The following KLHL29 variants were observed in gnomAD, a reference collection of about 807,000 sequenced individuals.
KLHL29 encodes kelch like family member 29, also known as kelch-like protein 29.
Under a neutral mutation model 80.4 loss-of-function variants are expected in KLHL29, and 21 were observed. The ratio of observed to expected loss-of-function variants is 0.26; its 90% CI spans 0.19 to 0.38. The LOEUF is 0.38. KLHL29 is among the 10% of genes least tolerant of loss of function. KLHL29 has a pLI of 1.00. For missense variants in KLHL29, 867 were observed against 1,223.9 expected (o/e 0.71, Z 4.35); for synonymous variants, 511 against 526.8 (o/e 0.97, Z 0.41).
rs564790270 is a variant in KLHL29 at position 23,635,706 on chromosome 2, G to T, written c.286-3433G>T. Among the ~76,000 whole-genome samples the T allele has an allele frequency of 2.2e-4, 33 of 152,322 alleles. No homozygotes were observed. In the Middle Eastern group the frequency reaches 0.014, roughly 63 times the overall value. Reference sequence around the variant, plus strand: ...AGAAGCCTGCTCAGGCCTGATGATGGGCAGATAGGGCCACTCCGTGGGGCC... The same window carrying T: ...AGAAGCCTGCTCAGGCCTGATGATGTGCAGATAGGGCCACTCCGTGGGGCC... On this transcript the variant is annotated intron_variant, in intron 3 of 13. Coordinates refer to ENST00000486442, the MANE Select transcript of KLHL29 (RefSeq NM_052920.2).
chr2:23,590,483 C>T (rs576908000), intron 3 of KLHL29, among the ~76,000 whole-genome samples: 8 of 152,130 alleles, frequency 5.3e-5, no homozygotes, highest in Non-Finnish European at 8.8e-5. Context: ...TGTGGGTTGA[C>T]GTGGAAGACC....
intron 5 of KLHL29, chr2:23,644,378 C>T (rs1558421860): frequency 1.3e-5 from 2 of 152,362 alleles, no homozygotes; most frequent in South Asian, 2.1e-4. Context: ...TATGCCAAAG[C>T]CCAAGGCACC....
chr2:23,560,720 T>C (rs1407559445), intron 2 of KLHL29, among the ~76,000 whole-genome samples: 1 of 152,080 alleles, frequency 6.6e-6, no homozygotes, highest in African/African-American at 2.4e-5. Flanking sequence ...GCAGGGTGGG[T>C]TCAGGTCTGC....
intron 2 of KLHL29, among the ~76,000 whole-genome samples, chr2:23,531,487 G>A (rs745547518): frequency 2.0e-5 from 3 of 152,226 alleles, no homozygotes; most frequent in Non-Finnish European, 4.4e-5. Context: ...TCAGTGAGCT[G>A]AGACCCTGCC....
intron 3 of KLHL29, among the ~76,000 whole-genome samples, chr2:23,568,329 G>A (rs1173167876): frequency 6.6e-6 from 1 of 152,154 alleles, no homozygotes; most frequent in African/African-American, 2.4e-5. Flanking sequence ...AAGCCATAAC[G>A]GTTCTGTGGT....
chr2:23,418,307 TG>T (rs1450422622), intron 1 of KLHL29, among the ~76,000 whole-genome samples: 1 of 152,166 alleles, frequency 6.6e-6, no homozygotes, highest in Non-Finnish European at 1.5e-5. Flanking sequence ...GGAGTGGGCA[TG>T]GGCACTGTAA....
At chr2:23,581,171 A>G (rs1172193788) in intron 3 of KLHL29, among the ~76,000 whole-genome samples, 3 of 152,082 alleles carry the variant, frequency 2.0e-5, no homozygotes, top group Middle Eastern at 3.4e-3. Context: ...TGGTTTCTCC[A>G]TGTTCTTCTG....
intron 1 of KLHL29, among the ~76,000 whole-genome samples, chr2:23,393,248 G>T (rs184376821): frequency 2.5e-4 from 38 of 152,296 alleles, no homozygotes; most frequent in African/African-American, 9.1e-4. Flanking sequence ...TCACTCCGTG[G>T]CTGTGTAGTC....
intron 2 of KLHL29, among the ~76,000 whole-genome samples, chr2:23,528,866 G>A (rs144531890): frequency 8.0e-4 from 122 of 152,326 alleles, no homozygotes; most frequent in East Asian, 5.0e-3. Flanking sequence ...CCACCCTGGC[G>A]GTGCTGCCGT....
intron 5 of KLHL29, among the ~76,000 whole-genome samples, chr2:23,674,580 C>G (rs1237656982): frequency 6.6e-6 from 1 of 152,218 alleles, no homozygotes; most frequent in Non-Finnish European, 1.5e-5. Context: ...AAGAGCCTAC[C>G]TCCAGTGGAA....
chr2:23,531,005 C>T (rs1666473425), intron 2 of KLHL29, among the ~76,000 whole-genome samples: 1 of 152,156 alleles, frequency 6.6e-6, no homozygotes, highest in Non-Finnish European at 1.5e-5. Flanking sequence ...GGGTGTGTGG[C>T]CTCACAGAAG....
chr2:23,403,167 T>C lies in KLHL29; in HGVS notation c.-154+17387T>C, dbSNP rs144473918. 6.6e-5 allele frequency among the ~76,000 whole-genome samples: 10 copies of C among 152,276 alleles called. No homozygotes were observed. In the East Asian group the frequency reaches 1.7e-3, roughly 26 times the overall value. On this transcript the variant is annotated intron_variant, in intron 1 of 13. Transcript: ENST00000486442. ...AGCGTATTTTTCATATTGGGAAAGA[T>C]AAAAATTTACCTAACAAGGCAAAAG...
At chr2:23,479,423 TCTC>T (rs1381742956) in intron 2 of KLHL29, among the ~76,000 whole-genome samples, 1 of 152,004 alleles carries the variant, frequency 6.6e-6, no homozygotes, top group Non-Finnish European at 1.5e-5. Flanking sequence ...GCAAGTGGCC[TCTC>T]CTCCTGCTTC....
At chr2:23,677,498 G>A (rs947429736) in intron 5 of KLHL29, among the ~76,000 whole-genome samples, 3 of 152,212 alleles carry the variant, frequency 2.0e-5, no homozygotes, top group East Asian at 1.9e-4. Flanking sequence ...TCACACGTCC[G>A]ACTCAGGCTG....
chr2:23,400,252 C>T (rs1022415557), intron 1 of KLHL29, among the ~76,000 whole-genome samples: 1 of 152,220 alleles, frequency 6.6e-6, no homozygotes, highest in African/African-American at 2.4e-5. Flanking sequence ...AGGAGTAGAG[C>T]GGCCCCTGCC....
intron 3 of KLHL29, among the ~76,000 whole-genome samples, chr2:23,568,691 C>G (rs1471608389): frequency 6.6e-6 from 1 of 152,188 alleles, no homozygotes; most frequent in Non-Finnish European, 1.5e-5. Flanking sequence ...AAAGAGACCC[C>G]ACCTCTTGAT....
chr2:23,642,062 C>T (rs1669783271), intron 4 of KLHL29, among the ~76,000 whole-genome samples: 1 of 152,188 alleles, frequency 6.6e-6, no homozygotes, highest in South Asian at 2.1e-4. Context: ...CCAAGTCTCT[C>T]AAAGGGCTCT....
At chr2:23,438,120 T>C (rs577567398) in intron 1 of KLHL29, among the ~76,000 whole-genome samples, 64 of 149,906 alleles carry the variant, frequency 4.3e-4, no homozygotes, top group Middle Eastern at 3.5e-3. Context: ...TTGACTGTTA[T>C]TGGTGTATAA....
intron 1 of KLHL29, among the ~76,000 whole-genome samples, chr2:23,450,629 A>G (rs1371635866): frequency 6.6e-6 from 1 of 152,146 alleles, no homozygotes; most frequent in Admixed American, 6.5e-5. Flanking sequence ...TTTGAAGTGA[A>G]GTTGCACTGT....
Sources: gnomAD v4.1 joint callset for allele counts (sites outside exome capture counted in the v4.1 genomes callset) on GRCh38, gnomAD v4.1.1 for gene constraint, MANE v1.5 for transcripts, NCBI Gene and HGNC (gene_info 2026-07-23, HGNC 2026-07-21) for gene names.